TBC1D1: variants seen among roughly 807,000 people sequenced by gnomAD.
TBC1D1 encodes TBC1 domain family member 1.
TBC1D1 carries 89 observed loss-of-function variants against 125.6 expected under a neutral mutation model. The observed-to-expected ratio is 0.71, with a 90% CI of 0.60 to 0.85. TBC1D1 has a LOEUF of 0.85. TBC1D1 is among the 40% of genes least tolerant of loss of function. TBC1D1 has a pLI of 0.00. For missense variants in TBC1D1, 1,377 were observed against 1,469.2 expected (o/e 0.94, Z 1.03); for synonymous variants, 565 against 564.1 (o/e 1.00, Z -0.02).
rs920555763 is a variant in TBC1D1, at chr4:38,115,657, A to C, written c.2558-53A>C. 93 of 1,559,142 alleles carry C rather than the reference A, an allele frequency of 6.0e-5. No homozygotes were observed. The African/African-American group carries it at 8.4e-4, about 14-fold the overall frequency. On this transcript the variant is annotated intron_variant, in intron 15 of 19. Coordinates refer to ENST00000261439, the MANE Select transcript of TBC1D1 (RefSeq NM_015173.4). ...AAGCACATTGGATTTCTGGTTCAAT[A>C]GGCTTTCTTTTTTTGTTTTTATTAT...
intron 10 of TBC1D1, among the ~76,000 whole-genome samples, chr4:38,048,098 T>C (rs921345048): frequency 5.9e-5 from 9 of 152,216 alleles, no homozygotes; most frequent in African/African-American, 2.2e-4. Flanking sequence ...CTTGTATGTA[T>C]TGTATATGTT....
At chr4:38,043,341 T>G (rs953654689) in intron 8 of TBC1D1, among the ~76,000 whole-genome samples, 9 of 151,830 alleles carry the variant, frequency 5.9e-5, no homozygotes, top group Non-Finnish European at 1.0e-4. Context: ...CTCACTCCTG[T>G]AATCCCAGCA....
At chr4:37,988,777 C>G (rs771686075) in intron 2 of TBC1D1, among the ~76,000 whole-genome samples, 1 of 152,108 alleles carries the variant, frequency 6.6e-6, no homozygotes, top group Admixed American at 6.5e-5. Context: ...ACCGATGGAC[C>G]GCCCCCTCCT....
At position 38,007,433 on chromosome 4, in the gene TBC1D1, A is replaced by T. The variant is rs552579027; in HGVS notation, c.418-7076A>T. 2.1e-4 allele frequency among the ~76,000 whole-genome samples: 32 copies of T among 152,018 alleles called. No homozygotes were observed. In the South Asian group the frequency reaches 6.0e-3, roughly 29 times the overall value. On this transcript the variant is annotated intron_variant, in intron 2 of 19. Coordinates refer to ENST00000261439, the MANE Select transcript of TBC1D1 (RefSeq NM_015173.4). ...ACGCCTGGTTAATTTTTGTATCTTTAGTAGAGACGGGGTTTCACCTTGTTG... is the reference window on the plus strand; with the variant it reads ...ACGCCTGGTTAATTTTTGTATCTTTTGTAGAGACGGGGTTTCACCTTGTTG...
intron 15 of TBC1D1, among the ~76,000 whole-genome samples, chr4:38,106,364 G>C (rs1761297016): frequency 6.6e-6 from 1 of 152,198 alleles, no homozygotes; most frequent in Non-Finnish European, 1.5e-5. Context: ...GTTTCCCTGG[G>C]ACCCTCTGAG....
At chr4:38,023,574 C>A (rs1363766859) in intron 6 of TBC1D1, among the ~76,000 whole-genome samples, 1 of 152,206 alleles carries the variant, frequency 6.6e-6, no homozygotes, top group Admixed American at 6.5e-5. Flanking sequence ...TATTTATCTT[C>A]TTGTTTCTGG....
chr4:38,020,304 A>G (rs1743728607), intron 4 of TBC1D1, among the ~76,000 whole-genome samples: 1 of 151,988 alleles, frequency 6.6e-6, no homozygotes, highest in Admixed American at 6.6e-5. Context: ...ATGGTGAAAC[A>G]CCATATCTAC....
chr4:38,005,398 C>T (rs1362865081), intron 2 of TBC1D1, among the ~76,000 whole-genome samples: 2 of 152,132 alleles, frequency 1.3e-5, no homozygotes, highest in African/African-American at 4.8e-5. Context: ...GGGTATTGTA[C>T]ATTATGTGAG....
chr4:37,923,071 A>G (rs1358987691), intron 2 of TBC1D1, among the ~76,000 whole-genome samples: 2 of 152,002 alleles, frequency 1.3e-5, no homozygotes, highest in Non-Finnish European at 2.9e-5. Context: ...CCCATCATCT[A>G]CATTAGGTAT....
intron 2 of TBC1D1, among the ~76,000 whole-genome samples, chr4:38,012,887 A>G (rs1741811497): frequency 6.6e-6 from 1 of 151,910 alleles, no homozygotes; most frequent in South Asian, 2.1e-4. Context: ...TCCGCCTCCC[A>G]GGTTCAAGCA....
chr4:38,110,573 T>G (rs773847748), intron 15 of TBC1D1: 17 of 985,448 alleles, frequency 1.7e-5, no homozygotes, highest in East Asian at 1.1e-4. Context: ...CTGGCATATT[T>G]CTCCACTTAG....
intron 15 of TBC1D1, among the ~76,000 whole-genome samples, chr4:38,104,956 C>T (rs906199645): frequency 7.9e-5 from 12 of 151,960 alleles, no homozygotes; most frequent in Admixed American, 3.3e-4. Flanking sequence ...GGGGTTTCAC[C>T]GTGTTAGCCA....
chr4:38,052,172 TGTGTGTGTG>T, intron 11 of TBC1D1, 112 bp downstream of exon 12: 2 of 322,752 alleles, frequency 6.2e-6, no homozygotes, highest in Non-Finnish European at 4.8e-6. Flanking sequence ...AGCCACTGTG[TGTGTGTGTG>T]TGTGTGTGTG....
intron 2 of TBC1D1, among the ~76,000 whole-genome samples, chr4:37,940,049 A>G (rs1388476945): frequency 2.6e-5 from 4 of 152,280 alleles, no homozygotes; most frequent in South Asian, 2.1e-4. Flanking sequence ...GTTTTTTCCA[A>G]TTCTGTGAAG....
chr4:37,978,847 A>T (rs1279708854), intron 2 of TBC1D1, among the ~76,000 whole-genome samples: 1 of 137,320 alleles, frequency 7.3e-6, no homozygotes, highest in African/African-American at 2.7e-5. Context: ...GTAGGCTGGT[A>T]GCTTAATTTG....
chr4:37,961,985 G>A (rs1221819729), intron 2 of TBC1D1, among the ~76,000 whole-genome samples: 1 of 152,216 alleles, frequency 6.6e-6, no homozygotes, highest in African/African-American at 2.4e-5. Flanking sequence ...AACTGGAGAA[G>A]GTTTAAGTTT....
At chr4:37,914,981 G>T (rs1480927937) in intron 2 of TBC1D1, among the ~76,000 whole-genome samples, 1 of 152,092 alleles carries the variant, frequency 6.6e-6, no homozygotes, top group Non-Finnish European at 1.5e-5. Flanking sequence ...AAATTATCTT[G>T]TTCAGATATT....
In TBC1D1 at chr4:38,014,476, T is replaced by C. The variant is rs1742195925; in HGVS notation, c.418-33T>C. ...TTCCGTGAGTGCCAGCCACACTGCA[T>C]GTTCCAAATAACACGCCTCTCTCTC... On this transcript the variant is annotated intron_variant, in intron 2 of 19. Coordinates refer to ENST00000261439, the MANE Select transcript of TBC1D1 (RefSeq NM_015173.4). This position sits in a 1 kb window ranked among gnomAD's most constrained non-coding sequence, Gnocchi z 5.1. 1.3e-6 allele frequency: 2 copies of C among 1,596,854 alleles called. No individual in the cohort carries two copies. The highest frequency in any genetic ancestry group is 3.3e-4 in the Middle Eastern group (2 of 6,024).
intron 15 of TBC1D1, among the ~76,000 whole-genome samples, chr4:38,103,983 C>T (rs781444807): frequency 2.0e-5 from 3 of 151,546 alleles, no homozygotes; most frequent in African/African-American, 4.9e-5. Flanking sequence ...CACGGTGAAA[C>T]CCTGTCTCTA....
Sources: allele counts gnomAD v4.1 joint callset (sites outside exome capture counted in the v4.1 genomes callset), GRCh38; gene constraint gnomAD v4.1.1; non-coding constraint Gnocchi (gnomAD v3.1); transcripts MANE v1.5; gene names NCBI Gene and HGNC (gene_info 2026-07-23, HGNC 2026-07-21).